TPX2: variants seen among roughly 807,000 people sequenced by gnomAD.
TPX2 encodes the protein targeting protein for Xklp2.
TPX2 carries 21 observed loss-of-function variants against 93.6 expected under a neutral mutation model. That is an observed-to-expected ratio of 0.22 (90% CI 0.16 to 0.32). The LOEUF is 0.32. Among genes scored for constraint, TPX2 ranks in the 10% least tolerant of loss-of-function variants. TPX2 has a pLI of 1.00. For synonymous variants in TPX2, 281 were observed against 298.3 expected (o/e 0.94, Z 0.60); for missense variants, 776 against 871.1 (o/e 0.89, Z 1.37).
intron 2 of TPX2, among the ~76,000 whole-genome samples, chr20:31,745,383 A>G (rs1406925987): frequency 6.8e-6 from 1 of 147,210 alleles, no homozygotes; most frequent in Admixed American, 7.0e-5. Context: ...AGGCTGGAAT[A>G]CAGTGGCACA....
chr20:31,749,975 G>T (rs1398420790), intron 2 of TPX2, among the ~76,000 whole-genome samples: 1 of 151,548 alleles, frequency 6.6e-6, no homozygotes, highest in East Asian at 1.9e-4. Flanking sequence ...GTCTTACTCT[G>T]TTGCCAGGCT....
chr20:31,748,868 C>T (rs1360081588), intron 2 of TPX2, among the ~76,000 whole-genome samples: 2 of 152,032 alleles, frequency 1.3e-5, no homozygotes, highest in Admixed American at 1.3e-4. Context: ...TGGTAAGGTG[C>T]CTGGCCTACA....
chr20:31,745,013 G>A (rs543874223), intron 2 of TPX2, among the ~76,000 whole-genome samples: 5 of 152,232 alleles, frequency 3.3e-5, no homozygotes, highest in Non-Finnish European at 5.9e-5. Context: ...CTTGAACCTG[G>A]GAGGTGGAGG....
intron 2 of TPX2, among the ~76,000 whole-genome samples, chr20:31,745,154 A>G (rs1249549981): frequency 6.6e-6 from 1 of 152,218 alleles, no homozygotes; most frequent in Non-Finnish European, 1.5e-5. Context: ...GCCTTGTAGG[A>G]AGATTATGCT....
chr20:31,776,638 G>C (rs1483561999), intron 8 of TPX2, among the ~76,000 whole-genome samples: 1 of 151,598 alleles, frequency 6.6e-6, no homozygotes, highest in Non-Finnish European at 1.5e-5. Context: ...CAATTCTCCT[G>C]TTTCAGCCTC....
rs2062017869 is a variant in TPX2, at chr20:31,778,879, T to C, written c.949T>C (p.Phe317Leu). 6.2e-7 allele frequency: 1 copy of C among 1,612,586 alleles called. No individual in the cohort carries two copies. ...CCTGTCCCAAGGAAAGAAAAGAACA[T>C]TTGATGAAACAGTTTCTACATATGT... ...FNLSQGKKRT[F>L]DETVSTYVPL... Residue 317 changes from phenylalanine to leucine, a missense_variant, in exon 10 of 18, where the codon TTT becomes CTT. By Grantham distance (22) the Phe-to-Leu change is conservative (BLOSUM62 0). Transcript: ENST00000300403.
At chr20:31,766,481 G>C in intron 4 of TPX2, 75 bp from the exon 5 acceptor site, 1 of 1,345,952 alleles carries the variant, frequency 7.4e-7, no homozygotes, top group Non-Finnish European at 1.0e-6. Flanking sequence ...GTGTGTGTGT[G>C]TGTGTGTGTG....
intron 15 of TPX2, 36 bp from the exon 16 acceptor site, chr20:31,797,368 A>G: frequency 6.3e-7 from 1 of 1,595,404 alleles, no homozygotes; most frequent in Non-Finnish European, 8.6e-7. Context: ...TAGAAAGGTG[A>G]GACATTGCTC....
intron 3 of TPX2, among the ~76,000 whole-genome samples, chr20:31,759,249 A>G (rs1352326380): frequency 1.3e-5 from 2 of 152,042 alleles, no homozygotes; most frequent in African/African-American, 4.8e-5. Flanking sequence ...AGTAGAATCT[A>G]AGATAAAATT....
chr20:31,789,864 T>C (rs1489972469), intron 12 of TPX2, among the ~76,000 whole-genome samples: 1 of 152,218 alleles, frequency 6.6e-6, no homozygotes, highest in Non-Finnish European at 1.5e-5. Context: ...AATGCAGACA[T>C]TTCTGTTGGG....
chr20:31,757,369 AT>A, intron 2 of TPX2, 37 bp from the exon 3 acceptor site: 1 of 874,182 alleles, frequency 1.1e-6, no homozygotes, highest in Admixed American at 2.6e-5. Context: ...AATGATGGGA[AT>A]TTACTTAGAT....
intron 15 of TPX2, among the ~76,000 whole-genome samples, chr20:31,795,821 C>T (rs2062135234): frequency 6.6e-6 from 1 of 152,224 alleles, no homozygotes; most frequent in Non-Finnish European, 1.5e-5. Context: ...TAATTGGGAT[C>T]TAATTCTACG....
At position 31,783,710 on chromosome 20, in the gene TPX2, A is replaced by G; in HGVS notation, c.1202A>G (p.Lys401Arg). ...TTTAAATTTTCACCTTACAGATACAAATTCAAAGCACGTGAACTTGATCCC... is the reference window on the plus strand; with the variant it reads ...TTTAAATTTTCACCTTACAGATACAGATTCAAAGCACGTGAACTTGATCCC... ...AEELEKLQQY[K>R]FKARELDPRI... The change falls in exon 12 of 18, where the codon AAA becomes AGA. Residue 401 changes from lysine (K) to arginine (R), a missense_variant. Transcript: ENST00000300403. 2 of 1,591,020 alleles carry G rather than the reference A, an allele frequency of 1.3e-6. No individual in the cohort carries two copies. Among genetic ancestry groups the G allele is most frequent in the Non-Finnish European group, 1.7e-6 (2 of 1,174,926 alleles).
intron 12 of TPX2, among the ~76,000 whole-genome samples, 189 bp downstream of exon 12, chr20:31,784,110 G>A (rs1041972902): frequency 1.3e-5 from 2 of 152,216 alleles, no homozygotes; most frequent in African/African-American, 2.4e-5. Context: ...GACAATATAT[G>A]TGTGAATAAT....
chr20:31,795,535 CT>C, intron 15 of TPX2, among the ~76,000 whole-genome samples: 1 of 152,384 alleles, frequency 6.6e-6, no homozygotes, highest in East Asian at 1.9e-4. Context: ...GACCCCTGCT[CT>C]AAGTGATCAC....
Position 31,782,266 on chromosome 20 carries a change from T to C in TPX2, c.1072T>C (p.Ser358Pro), listed in dbSNP as rs1240090266. The C allele has an allele frequency of 6.2e-7, 1 of 1,612,446 alleles. No homozygotes were observed. Among genetic ancestry groups the C allele is most frequent in the Admixed American group, 1.7e-5 (1 of 59,608 alleles). The change falls in exon 11 of 18, where the codon TCT (serine) becomes CCT (proline). Residue 358 changes from serine (S) to proline (P), a missense_variant. Ser to Pro is a moderately conservative substitution (Grantham distance 74). Coordinates refer to ENST00000300403, the MANE Select transcript of TPX2 (RefSeq NM_012112.5). Reference sequence around the variant, plus strand: ...GTTTACAGACCTGTTACCCTCCAAATCTTCTGTGACCAAGATTTGCAGAGA... The same window carrying C: ...GTTTACAGACCTGTTACCCTCCAAACCTTCTGTGACCAAGATTTGCAGAGA... ...KDDINLLPSK[S>P]SVTKICRDPQ...
intron 10 of TPX2, among the ~76,000 whole-genome samples, 168 bp from the exon 11 acceptor site, chr20:31,782,081 G>T (rs1264207519): frequency 1.3e-5 from 2 of 152,212 alleles, no homozygotes; most frequent in Non-Finnish European, 1.5e-5. Context: ...GAATAGGGGA[G>T]AAGTAACTGA....
At chr20:31,744,118 T>A (rs2061769658) in intron 2 of TPX2, among the ~76,000 whole-genome samples, 1 of 151,672 alleles carries the variant, frequency 6.6e-6, no homozygotes. Context: ...ATTTCATTTT[T>A]AAAAAAATCA....
At chr20:31,789,278 C>G (rs1376942003) in intron 12 of TPX2, among the ~76,000 whole-genome samples, 1 of 152,150 alleles carries the variant, frequency 6.6e-6, no homozygotes, top group Non-Finnish European at 1.5e-5. Flanking sequence ...CTATATTATT[C>G]ACTCTGTATC....
Sources: gnomAD v4.1 joint callset for allele counts (sites outside exome capture counted in the v4.1 genomes callset) on GRCh38, gnomAD v4.1.1 for gene constraint, MANE v1.5 for transcripts, NCBI Gene and HGNC (gene_info 2026-07-23, HGNC 2026-07-21) for gene names.